Variants in PIMREG observed in about 807,000 individuals in gnomAD.
PIMREG encodes the protein protein PIMREG.
In PIMREG, 19 loss-of-function variants were observed where a neutral mutation model predicts 24.3. The observed-to-expected ratio is 0.78, with a 90% CI of 0.54 to 1.15. The LOEUF is 1.15. Ranked by LOEUF, PIMREG falls within the 50% of genes most tolerant of loss-of-function variation. The pLI is 0.00. For synonymous variants in PIMREG, 112 were observed against 124.1 expected (o/e 0.90, Z 0.65); for missense variants, 283 against 306.8 (o/e 0.92, Z 0.58).
chr17:6,451,149 G>C lies in PIMREG; in HGVS notation c.*802G>C, dbSNP rs958229963. On this transcript the variant is annotated 3_prime_UTR_variant, in exon 6 of 6. Transcript: ENST00000572447. ...GCTATAGATTTGTAATTTGTGGTTT[G>C]GGGTCTGGCCCTCATCCACCTCTGC... 1.3e-5 allele frequency: 2 copies of C among 150,758 alleles called. No homozygotes were observed. Among genetic ancestry groups the C allele is most frequent in the African/African-American group, 4.9e-5 (2 of 41,234 alleles). 9.3% of individuals were successfully genotyped at this position (150,758 alleles called of 1,614,324 possible). A position where few individuals can be genotyped will look rare whatever the true frequency, so the allele number is the denominator to read the frequency against.
At chr17:6,449,966 C>T in intron 4 of PIMREG, 62 bp from the exon 5 acceptor site, 1 of 1,554,940 alleles carries the variant, frequency 6.4e-7, no homozygotes, top group Non-Finnish European at 8.9e-7. Context: ...GTAGCTCAGG[C>T]TGGGAGGGCC....
In PIMREG at chr17:6,444,816, C is replaced by T. The variant is rs1469245530; in HGVS notation, c.-35-260C>T. On this transcript the variant is annotated intron_variant, in intron 1 of 5. Coordinates refer to ENST00000572447, the MANE Select transcript of PIMREG (RefSeq NM_019013.3). This position sits in a 1 kb window ranked among gnomAD's most constrained non-coding sequence, Gnocchi z 4.3. ...GTGTCTTGACCCTGCCTCCCCTCCT[C>T]GCCTGAGCCAGAGAGAGGAAGGAGG... 6.9e-6 allele frequency among the ~76,000 whole-genome samples: 1 copy of T among 145,684 alleles called. No individual in the cohort carries two copies. Among genetic ancestry groups the T allele is most frequent in the Non-Finnish European group, 1.5e-5 (1 of 66,732 alleles).
chr17:6,447,979 G>A (rs1303909889), intron 3 of PIMREG, among the ~76,000 whole-genome samples: 1 of 152,024 alleles, frequency 6.6e-6, no homozygotes, highest in Non-Finnish European at 1.5e-5. Flanking sequence ...GCATGTATTT[G>A]CTCATCAGAA....
At position 6,451,342 on chromosome 17, in the gene PIMREG, G is replaced by C. The variant is rs1281268450; in HGVS notation, c.*995G>C. 2 of 152,220 alleles carry C rather than the reference G, an allele frequency of 1.3e-5. No homozygotes were observed. The highest frequency in any genetic ancestry group is 4.8e-5 in the African/African-American group (2 of 41,456). 9.4% of individuals were successfully genotyped at this position (152,220 alleles called of 1,614,324 possible). A position where few individuals can be genotyped will look rare whatever the true frequency, so the allele number is the denominator to read the frequency against. ...CTCACATCAAAATCAAGACCCAGTT[G>C]TAAAAATCTTTTAACTCCATAATGC... is the stretch of plus-strand genomic sequence containing the variant. On this transcript the variant is annotated 3_prime_UTR_variant, in exon 6 of 6. Coordinates refer to ENST00000572447, the MANE Select transcript of PIMREG (RefSeq NM_019013.3).
At chr17:6,445,048 C>A in intron 1 of PIMREG, 28 bp from the exon 2 acceptor site, 1 of 1,467,798 alleles carries the variant, frequency 6.8e-7, no homozygotes, top group Non-Finnish European at 9.1e-7. Flanking sequence ...GAATGCCTTG[C>A]TGATCTGCCT....
Position 6,450,545 on chromosome 17 carries a change from T to A in PIMREG, c.*198T>A. 1.5e-6 allele frequency: 1 copy of A among 688,464 alleles called. No homozygotes were observed. Among genetic ancestry groups the A allele is most frequent in the South Asian group, 2.0e-5 (1 of 50,866 alleles). The allele number at this position is 688,464 out of a possible 1,614,324, so 42.6% of individuals were successfully genotyped here. Reference sequence around the variant, plus strand: ...TGGACCCATCAGTGACTGCCTGCCATAGCCTGAGAGTGTCTTGGGGAGACC... The same window carrying A: ...TGGACCCATCAGTGACTGCCTGCCAAAGCCTGAGAGTGTCTTGGGGAGACC... On this transcript the variant is annotated 3_prime_UTR_variant, in exon 6 of 6. Transcript: ENST00000572447.
intron 4 of PIMREG, chr17:6,449,664 C>T: frequency 7.3e-7 from 1 of 1,378,888 alleles, no homozygotes; most frequent in Non-Finnish European, 9.4e-7. Flanking sequence ...CTTGGAACCT[C>T]ACGTGTGGCT....
chr17:6,447,181 G>A (rs924058982), intron 2 of PIMREG, among the ~76,000 whole-genome samples: 1 of 151,898 alleles, frequency 6.6e-6, no homozygotes, highest in Non-Finnish European at 1.5e-5. Context: ...GTGCGATCTC[G>A]GCTCACTGCA....
rs1913816384 is a variant in PIMREG at position 6,451,169 on chromosome 17, C to T, written c.*822C>T. 6.6e-6 allele frequency: 1 copy of T among 152,180 alleles called. No individual in the cohort carries two copies. Among genetic ancestry groups the T allele is most frequent in the South Asian group, 2.1e-4 (1 of 4,830 alleles). The allele number at this position is 152,180 out of a possible 1,614,324, so 9.4% of individuals were successfully genotyped here. ...GGTTTGGGGTCTGGCCCTCATCCACCTCTGCTCCGAGCCAGTCTGCCCCCA... is the reference window on the plus strand; with the variant it reads ...GGTTTGGGGTCTGGCCCTCATCCACTTCTGCTCCGAGCCAGTCTGCCCCCA... On this transcript the variant is annotated 3_prime_UTR_variant, in exon 6 of 6. Transcript: ENST00000572447.
Position 6,450,460 on chromosome 17 carries a change from CT to C in PIMREG, c.*114del, listed in dbSNP as rs781722537. ...AAACCCCCGGGAGTCGTCAGTACCC[CT>C]GGGCCACTGCTAACAAGCACCTAAC... is the stretch of plus-strand genomic sequence containing the variant. On this transcript the variant is annotated 3_prime_UTR_variant, in exon 6 of 6. Transcript: ENST00000572447. 20 of 1,514,646 alleles carry C rather than the reference CT, an allele frequency of 1.3e-5. No homozygotes were observed. Among genetic ancestry groups the C allele is most frequent in the Non-Finnish European group, 1.8e-5 (20 of 1,124,720 alleles). The allele number at this position is 1,514,646 out of a possible 1,614,324, so 93.8% of individuals were successfully genotyped here. A position where few individuals can be genotyped will look rare whatever the true frequency, so the allele number is the denominator to read the frequency against.
chr17:6,447,287 T>G lies in PIMREG; in HGVS notation c.295-176T>G, dbSNP rs184048147. ...CCACCGCGCCTGGCTAATTTTTTTT[T>G]GCATTTTTAGTAGAAATGGGGTTAC... On this transcript the variant is annotated intron_variant, in intron 2 of 5. Transcript: ENST00000572447. 214 of 662,680 alleles carry G rather than the reference T, an allele frequency of 3.2e-4. 2 individuals carry two copies. The African/African-American group carries it at 3.4e-3, about 11-fold the overall frequency. The allele number at this position is 662,680 out of a possible 1,614,324, so 41.0% of individuals were successfully genotyped here.
chr17:6,451,405 G>C lies in PIMREG; in HGVS notation c.*1058G>C, dbSNP rs970197986. ...GTTAGAAATCTGATATCTTACATTA[G>C]CGTTTCTAACGGATTTTGTACAAGG... is the stretch of plus-strand genomic sequence containing the variant. On this transcript the variant is annotated 3_prime_UTR_variant, in exon 6 of 6. Coordinates refer to ENST00000572447, the MANE Select transcript of PIMREG (RefSeq NM_019013.3). 1.3e-5 allele frequency: 2 copies of C among 152,196 alleles called. No homozygotes were observed. Among genetic ancestry groups the C allele is most frequent in the Non-Finnish European group, 2.9e-5 (2 of 68,040 alleles). 9.4% of individuals were successfully genotyped at this position (152,196 alleles called of 1,614,324 possible). A position where few individuals can be genotyped will look rare whatever the true frequency, so the allele number is the denominator to read the frequency against.
At chr17:6,448,055 G>A (rs978571311) in intron 3 of PIMREG, among the ~76,000 whole-genome samples, 12 of 151,928 alleles carry the variant, frequency 7.9e-5, no homozygotes, top group Admixed American at 3.9e-4. Context: ...AGGCCGAGGC[G>A]GGTGGATCAC....
chr17:6,449,067 G>C (rs1044481681), intron 3 of PIMREG, among the ~76,000 whole-genome samples: 3 of 152,198 alleles, frequency 2.0e-5, no homozygotes, highest in Non-Finnish European at 2.9e-5. Flanking sequence ...AAGCCACCTG[G>C]AGAGCTGAGG....
chr17:6,447,266 C>G (rs901375343), intron 2 of PIMREG, 197 bp from the exon 3 acceptor site: 1 of 562,740 alleles, frequency 1.8e-6, no homozygotes, highest in Non-Finnish European at 3.1e-6. Context: ...CACCCGCCAC[C>G]GCGCCTGGCT....
chr17:6,449,040 C>T (rs574571831), intron 3 of PIMREG, among the ~76,000 whole-genome samples: 9 of 152,208 alleles, frequency 5.9e-5, no homozygotes, highest in Non-Finnish European at 1.2e-4. Context: ...TCCTAGTGAG[C>T]CCAGAAGCAA....
chr17:6,446,336 A>C, intron 2 of PIMREG: 1 of 396,974 alleles, frequency 2.5e-6, no homozygotes, highest in Non-Finnish European at 4.4e-6. Flanking sequence ...TCGGTGTCTC[A>C]TTGGGAATTC....
At chr17:6,445,946 CT>C in intron 2 of PIMREG, 1 of 397,212 alleles carries the variant, frequency 2.5e-6, no homozygotes. Flanking sequence ...GCTTAGAACT[CT>C]CCCAGGAATG....
Position 6,445,234 on chromosome 17 carries a change from G to C in PIMREG, c.124G>C (p.Ala42Pro), listed in dbSNP as rs971409418. 1.2e-6 allele frequency: 2 copies of C among 1,613,634 alleles called. No individual in the cohort carries two copies. The highest frequency in any genetic ancestry group is 1.7e-6 in the Non-Finnish European group (2 of 1,179,980). The change falls in exon 2 of 6, where the codon GCC (alanine) becomes CCC (proline). Residue 42 changes from alanine (A) to proline (P), a missense_variant. Ala to Pro is a conservative substitution (Grantham distance 27, BLOSUM62 -1). Coordinates refer to ENST00000572447, the MANE Select transcript of PIMREG (RefSeq NM_019013.3). Reference protein sequence around the residue: ...VVSHQETSVGALGSLCRQFQR... With the variant: ...VVSHQETSVGPLGSLCRQFQR... ...CAGCCATCAGGAGACCTCTGTAGGG[G>C]CCCTGGGGTCCCTGTGCAGACAGTT...
Sources: gnomAD v4.1 joint callset for allele counts (sites outside exome capture counted in the v4.1 genomes callset) on GRCh38, gnomAD v4.1.1 for gene constraint, Gnocchi (gnomAD v3.1) non-coding constraint, MANE v1.5 for transcripts, NCBI Gene and HGNC (gene_info 2026-07-23, HGNC 2026-07-21) for gene names.